Variants in AOAH observed in about 807,000 individuals in gnomAD.
AOAH encodes acyloxyacyl hydrolase.
In AOAH, 64 loss-of-function variants were observed where a neutral mutation model predicts 92.2. That is an observed-to-expected ratio of 0.69 (90% confidence interval 0.57 to 0.86). The LOEUF (loss-of-function observed/expected upper bound fraction) is 0.86, where lower values mean the gene tolerates loss of function less well. Among genes scored for constraint, AOAH ranks in the 40% least tolerant of loss-of-function variants. The pLI is 0.00. For missense variants in AOAH, 656 were observed against 694.6 expected (o/e 0.94, Z 0.62); for synonymous variants, 263 against 254.5 (o/e 1.03, Z -0.32).
At chr7:36,531,417 G>A (rs977949789) in intron 18 of AOAH, among the ~76,000 whole-genome samples, 10 of 152,130 alleles carry the variant, frequency 6.6e-5, no homozygotes, top group African/African-American at 2.4e-4. Context: ...CGCGATCTTG[G>A]CTCACGGCAA....
At chr7:36,655,744 G>A (rs772533051) in intron 4 of AOAH, among the ~76,000 whole-genome samples, 9 of 152,236 alleles carry the variant, frequency 5.9e-5, no homozygotes, top group Non-Finnish European at 8.8e-5. Context: ...CGTTCATTGC[G>A]TCAATACACA....
chr7:36,696,914 C>T (rs940115195), intron 1 of AOAH, among the ~76,000 whole-genome samples: 2 of 152,036 alleles, frequency 1.3e-5, no homozygotes, highest in East Asian at 3.8e-4. Context: ...TCCTGCTAAA[C>T]TCGCTTATCA....
intron 3 of AOAH, among the ~76,000 whole-genome samples, chr7:36,669,366 TC>T (rs543443995): frequency 0.018 from 2,635 of 147,502 alleles, 71 homozygotes; most frequent in African/African-American, 0.062. Flanking sequence ...AGAATTATAT[TC>T]CCCCCCCACC....
rs773194603 is a variant in AOAH at position 36,540,435 on chromosome 7, A to G, written c.1190T>C (p.Met397Thr). 1.2e-6 allele frequency: 2 copies of G among 1,614,096 alleles called. No individual in the cohort carries two copies. Among genetic ancestry groups the G allele is most frequent in the East Asian group, 2.2e-5 (1 of 44,888 alleles). The change falls in exon 16 of 21, where the codon ATG (methionine) becomes ACG (threonine). Residue 397 changes from methionine (M) to threonine (T), a missense_variant. Coordinates refer to ENST00000617537, the MANE Select transcript of AOAH (RefSeq NM_001637.4). Reference protein sequence around the residue: ...TTPEKLYSNVMQTLKHLNSHL... With the variant: ...TTPEKLYSNVTQTLKHLNSHL... ...GGAATTTAGATGCTTCAGAGTCTGC[A>G]TGACGTTGGAGTAGAGTTTCTCAGG...
In AOAH at chr7:36,686,798, C is replaced by A. The variant is rs1797045042; in HGVS notation, c.128-4G>T. Reference sequence around the variant, plus strand: ...ACAGACACCACCAGCACACACCCTGCCAGGGAGGAGAAGAACATGTAATCT... The same window carrying A: ...ACAGACACCACCAGCACACACCCTGACAGGGAGGAGAAGAACATGTAATCT... On this transcript the variant is annotated splice_region_variant and splice_polypyrimidine_tract_variant and intron_variant, in intron 1 of 20. Coordinates refer to ENST00000617537, the MANE Select transcript of AOAH (RefSeq NM_001637.4). The A allele has an allele frequency of 2.0e-6, 3 of 1,529,046 alleles. No individual in the cohort carries two copies. The highest frequency in any genetic ancestry group is 2.6e-6 in the Non-Finnish European group (3 of 1,137,772). 94.7% of individuals were successfully genotyped at this position (1,529,046 alleles called of 1,614,324 possible). A position where few individuals can be genotyped will look rare whatever the true frequency, so the allele number is the denominator to read the frequency against.
chr7:36,616,077 G>T (rs370669481), intron 11 of AOAH, among the ~76,000 whole-genome samples: 1 of 152,186 alleles, frequency 6.6e-6, no homozygotes, highest in East Asian at 1.9e-4. Flanking sequence ...GCCTCATCCT[G>T]ACCTCCACGG....
intron 20 of AOAH, among the ~76,000 whole-genome samples, chr7:36,517,179 T>TTTCG (rs1783786002): frequency 3.5e-5 from 2 of 57,342 alleles, no homozygotes; most frequent in African/African-American, 1.2e-4. Flanking sequence ...TCTTTCTTTC[T>TTTCG]TTCTTTCTTT....
Position 36,623,183 on chromosome 7 carries a change from T to C in AOAH, c.582+7A>G. 1 of 1,612,328 alleles carries C rather than the reference T, an allele frequency of 6.2e-7. No homozygotes were observed. Among genetic ancestry groups the C allele is most frequent in the Non-Finnish European group, 8.5e-7 (1 of 1,178,334 alleles). On this transcript the variant is annotated splice_region_variant and intron_variant, in intron 7 of 20. Transcript: ENST00000617537. ...GTGAACATCTGGTTATTCCTAACAA[T>C]ACTTACTGGGAAAACGCTGTATTTG...
chr7:36,690,047 A>T (rs907252685), intron 1 of AOAH: 1 of 357,024 alleles, frequency 2.8e-6, no homozygotes, highest in African/African-American at 2.2e-5. Context: ...AGAAGGATAA[A>T]TGCAAAGCGA....
intron 19 of AOAH, among the ~76,000 whole-genome samples, chr7:36,522,967 C>T (rs577378435): frequency 7.9e-5 from 12 of 152,302 alleles, no homozygotes; most frequent in Admixed American, 2.6e-4. Flanking sequence ...AAAGGAAGGA[C>T]GGAAATTCTG....
intron 11 of AOAH, among the ~76,000 whole-genome samples, chr7:36,612,345 A>G (rs1791522963): frequency 2.0e-5 from 3 of 152,220 alleles, no homozygotes; most frequent in Non-Finnish European, 4.4e-5. Flanking sequence ...ACCGATTATC[A>G]TAAACATATT....
At chr7:36,703,625 A>G (rs923719444) in intron 1 of AOAH, among the ~76,000 whole-genome samples, 1 of 151,966 alleles carries the variant, frequency 6.6e-6, no homozygotes, top group African/African-American at 2.4e-5. Flanking sequence ...ACTCTCACTT[A>G]TGAGTGAGAA....
chr7:36,536,949 CAAAAAA>C (rs11441171), intron 16 of AOAH, among the ~76,000 whole-genome samples: 9 of 47,460 alleles, frequency 1.9e-4, no homozygotes, highest in African/African-American at 7.8e-4. Context: ...GACTTCATCT[CAAAAAA>C]AAAAAAAAAA....
At chr7:36,723,260 C>G (rs1204874959) in intron 1 of AOAH, among the ~76,000 whole-genome samples, 1 of 152,060 alleles carries the variant, frequency 6.6e-6, no homozygotes, top group African/African-American at 2.4e-5. Context: ...AATGCCACCA[C>G]TATTATGAGA....
rs562198235 is a variant in AOAH, at chr7:36,719,504, C to T, written c.127+4518G>A. On this transcript the variant is annotated intron_variant, in intron 1 of 20. Coordinates refer to ENST00000617537, the MANE Select transcript of AOAH (RefSeq NM_001637.4). ...GAAGAAAAATAGGAAGGAAGAACTTCTTCCATGTGTTGGGAAGGTGATATA... is the reference window on the plus strand; with the variant it reads ...GAAGAAAAATAGGAAGGAAGAACTTTTTCCATGTGTTGGGAAGGTGATATA... 1.3e-4 allele frequency among the ~76,000 whole-genome samples: 20 copies of T among 152,324 alleles called. No homozygotes were observed. The South Asian group carries it at 3.7e-3, about 28-fold the overall frequency.
At chr7:36,608,018 A>T (rs1283553826) in intron 11 of AOAH, among the ~76,000 whole-genome samples, 1 of 152,224 alleles carries the variant, frequency 6.6e-6, no homozygotes, top group Non-Finnish European at 1.5e-5. Context: ...AAGCCCTGTG[A>T]AGTCACCTTG....
intron 2 of AOAH, among the ~76,000 whole-genome samples, chr7:36,678,610 C>CGCGT (rs1796451247): frequency 9.6e-6 from 1 of 103,786 alleles, no homozygotes; most frequent in Non-Finnish European, 2.1e-5. Context: ...TGCGCGCGCG[C>CGCGT]GCGCGTTAGA....
At chr7:36,689,645 G>T (rs1479203509) in intron 1 of AOAH, among the ~76,000 whole-genome samples, 1 of 152,142 alleles carries the variant, frequency 6.6e-6, no homozygotes, top group African/African-American at 2.4e-5. Context: ...GGGAAGATGT[G>T]ATTTTGGAGA....
At chr7:36,534,230 G>T (rs541474144) in intron 16 of AOAH, among the ~76,000 whole-genome samples, 1 of 152,330 alleles carries the variant, frequency 6.6e-6, no homozygotes, top group Admixed American at 6.5e-5. Flanking sequence ...GCCCTCTCCT[G>T]CTGTCCTTCT....
Sources: gnomAD v4.1 joint callset for allele counts (sites outside exome capture counted in the v4.1 genomes callset) on GRCh38, gnomAD v4.1.1 for gene constraint, MANE v1.5 for transcripts, NCBI Gene and HGNC (gene_info 2026-07-23, HGNC 2026-07-21) for gene names.